Variants in SLC7A5 observed in about 807,000 individuals in gnomAD.
SLC7A5 encodes solute carrier family 7 member 5.
Under a neutral mutation model 50.2 loss-of-function variants are expected in SLC7A5, and 23 were observed. The ratio of observed to expected loss-of-function variants is 0.46; its 90% CI spans 0.33 to 0.65. The LOEUF (loss-of-function observed/expected upper bound fraction) is 0.65. SLC7A5 is among the 30% of genes least tolerant of loss of function. The pLI, the probability that SLC7A5 is intolerant of heterozygous loss-of-function variation, is 0.02. For synonymous variants in SLC7A5, 393 were observed against 330.6 expected, an observed-to-expected ratio of 1.19 and a Z score of -2.05; for missense variants, 578 against 684.4, an observed-to-expected ratio of 0.84 and a Z score of 1.73.
In SLC7A5 at chr16:87,852,358, G is replaced by A. The variant is rs149910062; in HGVS notation, c.539-509C>T. Among the ~76,000 whole-genome samples the A allele has an allele frequency of 2.6e-5, 4 of 152,300 alleles. No individual in the cohort carries two copies. Among genetic ancestry groups the A allele is most frequent in the Admixed American group, 6.5e-5 (1 of 15,298 alleles). On this transcript the variant is annotated intron_variant, in intron 1 of 9. Transcript: ENST00000261622. This position sits in a 1 kb window ranked among gnomAD's most constrained non-coding sequence, Gnocchi z 4.5. ...GATTCCAACAGAAGTGGGGTGTCCC[G>A]CTTTCCCGGAACTACCTGGCCAGTC...
intron 2 of SLC7A5, among the ~76,000 whole-genome samples, chr16:87,843,772 C>T (rs372918343): frequency 3.2e-4 from 49 of 152,236 alleles, no homozygotes; most frequent in African/African-American, 1.1e-3. Context: ...CACGGGACAC[C>T]CCCACACAAC....
At chr16:87,859,602 C>A (rs1266827999) in intron 1 of SLC7A5, among the ~76,000 whole-genome samples, 2 of 152,142 alleles carry the variant, frequency 1.3e-5, no homozygotes, top group Non-Finnish European at 2.9e-5. Flanking sequence ...TTGTTATACC[C>A]CCTCCCTCTG....
chr16:87,835,271 C>T (rs938586167), intron 8 of SLC7A5, among the ~76,000 whole-genome samples: 2 of 152,230 alleles, frequency 1.3e-5, no homozygotes, highest in Non-Finnish European at 1.5e-5. Context: ...CCAACCCGTG[C>T]CCAGGCTCAC....
Position 87,833,108 on chromosome 16 carries a change from C to T in SLC7A5, c.1469-83G>A, listed in dbSNP as rs1455838913. ...ACGGGGGCGTGAGCTGGGGCTCCCC[C>T]AGCCCTGCTGTCACCAAACCCAGCG... On this transcript the variant is annotated intron_variant, in intron 9 of 9. Coordinates refer to ENST00000261622, the MANE Select transcript of SLC7A5 (RefSeq NM_003486.7). The surrounding 1 kb of genome is among the most constrained non-coding windows in gnomAD (Gnocchi z 6.0). 11 of 1,175,034 alleles carry T rather than the reference C, an allele frequency of 9.4e-6. No individual in the cohort carries two copies. The highest frequency in any genetic ancestry group is 1.4e-5 in the Non-Finnish European group (11 of 781,464). The allele number at this position is 1,175,034 out of a possible 1,614,324, so 72.8% of individuals were successfully genotyped here. A position where few individuals can be genotyped will look rare whatever the true frequency, so the allele number is the denominator to read the frequency against.
intron 1 of SLC7A5, among the ~76,000 whole-genome samples, chr16:87,865,344 G>C (rs2055447039): frequency 1.3e-5 from 2 of 152,190 alleles, no homozygotes; most frequent in African/African-American, 4.8e-5. Context: ...CCTCACCTCT[G>C]GGTCAGAGAG....
intron 1 of SLC7A5, among the ~76,000 whole-genome samples, chr16:87,857,139 C>G (rs2055331752): frequency 6.6e-6 from 1 of 152,350 alleles, no homozygotes; most frequent in Middle Eastern, 3.4e-3. Context: ...CCTGCCACTG[C>G]TGGCCAGAGA....
chr16:87,869,407 G>A lies in SLC7A5; in HGVS notation c.16C>T (p.Pro6Ser), dbSNP rs1023467845. 2.0e-5 allele frequency: 30 copies of A among 1,500,432 alleles called. No homozygotes were observed. Among genetic ancestry groups the A allele is most frequent in the African/African-American group, 4.2e-5 (3 of 71,520 alleles). The allele number at this position is 1,500,432 out of a possible 1,614,324, so 92.9% of individuals were successfully genotyped here. ...GGCGCCGCTAGCGCGCGCCGCTTCG[G>A]GCCCGCACCCGCCATGCTCTGCGCA... MAGAG[P>S]KRRALAAPAA... Residue 6 changes from proline (P) to serine (S), a missense_variant, in exon 1 of 10, where the codon CCG becomes TCG. Transcript: ENST00000261622.
chr16:87,836,733 C>G, intron 7 of SLC7A5, 86 bp from the exon 8 acceptor site: 4 of 1,447,002 alleles, frequency 2.8e-6, no homozygotes, highest in Non-Finnish European at 2.9e-6. Context: ...ACTGTCCAGC[C>G]TGGCTGGGCC....
rs2054954610 is a variant in SLC7A5 at position 87,833,200 on chromosome 16, C to A, written c.1469-175G>T. On this transcript the variant is annotated intron_variant, in intron 9 of 9. Coordinates refer to ENST00000261622, the MANE Select transcript of SLC7A5 (RefSeq NM_003486.7). The surrounding 1 kb of genome is among the most constrained non-coding windows in gnomAD (Gnocchi z 6.0). ...TACTTGCGCATGTGGGTGCCGGGTG[C>A]CCGAGGCGCTGTCTTCAACTGAAAT... Among the ~76,000 whole-genome samples the A allele has an allele frequency of 1.3e-5, 2 of 152,226 alleles. No homozygotes were observed. Among genetic ancestry groups the A allele is most frequent in the African/African-American group, 4.8e-5 (2 of 41,464 alleles).
intron 8 of SLC7A5, among the ~76,000 whole-genome samples, chr16:87,835,267 C>T (rs1008763283): frequency 2.6e-5 from 4 of 152,240 alleles, no homozygotes; most frequent in African/African-American, 7.2e-5. Flanking sequence ...GACGCCAACC[C>T]GTGCCCAGGC....
At chr16:87,856,456 C>G (rs1026854298) in intron 1 of SLC7A5, among the ~76,000 whole-genome samples, 2 of 152,146 alleles carry the variant, frequency 1.3e-5, no homozygotes, top group African/African-American at 4.8e-5. Flanking sequence ...CGCACGGGGC[C>G]GGAGAGCGGC....
At position 87,837,949 on chromosome 16, in the gene SLC7A5, C is replaced by T; in HGVS notation, c.1044-8G>A. On this transcript the variant is annotated splice_polypyrimidine_tract_variant and splice_region_variant and intron_variant, in intron 6 of 9. Transcript: ENST00000261622. ...GACCCCACGAAGAAGAGCCTGTGGACAGACAAGAGTGGCAGAGTCAGCCAC... is the reference window on the plus strand; with the variant it reads ...GACCCCACGAAGAAGAGCCTGTGGATAGACAAGAGTGGCAGAGTCAGCCAC... 2 of 1,596,408 alleles carry T rather than the reference C, an allele frequency of 1.3e-6. No homozygotes were observed. The highest frequency in any genetic ancestry group is 1.7e-6 in the Non-Finnish European group (2 of 1,171,984).
intron 9 of SLC7A5, 70 bp downstream of exon 9, chr16:87,834,344 G>T: frequency 1.3e-6 from 2 of 1,485,516 alleles, no homozygotes; most frequent in Admixed American, 2.0e-5. Flanking sequence ...GGAGACGGCC[G>T]ACGCCTCTCA....
In SLC7A5 at chr16:87,866,146, GTCT is replaced by G. The variant is rs896997221; in HGVS notation, c.538+2736_538+2738del. ...CACTTGTTCCTGCCGACACAGGGAA[GTCT>G]TCTTAGCAGCTAAAGAGGGCAGCCT... is the stretch of plus-strand genomic sequence containing the variant. On this transcript the variant is annotated intron_variant, in intron 1 of 9. Transcript: ENST00000261622. Among the ~76,000 whole-genome samples, 101 of 152,334 alleles carry G rather than the reference GTCT, an allele frequency of 6.6e-4. 2 individuals are homozygous for G. The highest frequency in any genetic ancestry group is 5.9e-3 in the Admixed American group (91 of 15,304).
chr16:87,846,207 C>CCTGT (rs913577256), intron 2 of SLC7A5, among the ~76,000 whole-genome samples: 4 of 152,352 alleles, frequency 2.6e-5, no homozygotes, highest in Admixed American at 6.5e-5. Flanking sequence ...AGCGCAATGT[C>CCTGT]CTGTCTGTCC....
Position 87,851,842 on chromosome 16 carries a change from G to A in SLC7A5, c.546C>T (p.Leu182=). 1.2e-6 allele frequency: 2 copies of A among 1,613,026 alleles called. No homozygotes were observed. The highest frequency in any genetic ancestry group is 1.7e-6 in the Non-Finnish European group (2 of 1,179,978). The change falls in exon 2 of 10, where the codon CTC becomes CTT. Residue 182 remains leucine, a synonymous_variant. Coordinates refer to ENST00000261622, the MANE Select transcript of SLC7A5 (RefSeq NM_003486.7). ...KLVACLCVLL[L]TAVNCYSVKA... The stretch of plus-strand genomic sequence containing the variant: ...TCACGCTGTAGCAGTTCACGGCCGT[G>A]AGCAGCACTGTGGAGACAGAGGGCA...
chr16:87,859,534 C>T (rs2055361874), intron 1 of SLC7A5, among the ~76,000 whole-genome samples: 1 of 152,168 alleles, frequency 6.6e-6, no homozygotes, highest in Admixed American at 6.5e-5. Flanking sequence ...AGGGATATTC[C>T]AAAGTTAACC....
Position 87,860,322 on chromosome 16 carries a change from T to C in SLC7A5, c.539-8473A>G, listed in dbSNP as rs188354616. 2.9e-3 allele frequency among the ~76,000 whole-genome samples: 274 copies of C among 94,172 alleles called. 1 individual carries two copies. Among genetic ancestry groups the C allele is most frequent in the Non-Finnish European group, 3.9e-3 (199 of 51,406 alleles). The allele number at this position is 94,172 out of a possible 152,430, so 61.8% of individuals were successfully genotyped here. A position where few individuals can be genotyped will look rare whatever the true frequency, so the allele number is the denominator to read the frequency against. On this transcript the variant is annotated intron_variant, in intron 1 of 9. Transcript: ENST00000261622. This position sits in a 1 kb window ranked among gnomAD's most constrained non-coding sequence, Gnocchi z 4.8. Reference sequence around the variant, plus strand: ...CACTCCAGCCCGAGTAACAAAAGCATCTCAAAAAAAAAAAAAAATACACAC... The same window carrying C: ...CACTCCAGCCCGAGTAACAAAAGCACCTCAAAAAAAAAAAAAAATACACAC...
intron 2 of SLC7A5, among the ~76,000 whole-genome samples, chr16:87,846,703 C>A (rs2143764271): frequency 6.6e-6 from 1 of 152,332 alleles, no homozygotes; most frequent in East Asian, 1.9e-4. Flanking sequence ...CTCACCGACT[C>A]TCCCGCCGGC....
Sources: allele counts gnomAD v4.1 joint callset (sites outside exome capture counted in the v4.1 genomes callset), GRCh38; gene constraint gnomAD v4.1.1; non-coding constraint Gnocchi (gnomAD v3.1); transcripts MANE v1.5; gene names NCBI Gene and HGNC (gene_info 2026-07-23, HGNC 2026-07-21).